ACTN1: variants seen among roughly 807,000 people sequenced by gnomAD.
ACTN1 encodes alpha-actinin-1.
In ACTN1, 30 loss-of-function variants were observed where a neutral mutation model predicts 119.6. The ratio of observed to expected loss-of-function variants is 0.25; its 90% CI spans 0.19 to 0.34. The LOEUF is 0.34. Among genes scored for constraint, ACTN1 ranks in the 10% least tolerant of loss-of-function variants. The pLI is 1.00. For missense variants in ACTN1, 764 were observed against 1,223.4 expected (o/e 0.62, Z 5.60); for synonymous variants, 429 against 472.6 (o/e 0.91, Z 1.20).
Position 68,892,057 on chromosome 14 carries a change from A to G in ACTN1, c.1082T>C (p.Val361Ala), listed in dbSNP as rs762802732. 1 of 1,613,490 alleles carries G rather than the reference A, an allele frequency of 6.2e-7. No homozygotes were observed. Among genetic ancestry groups the G allele is most frequent in the Non-Finnish European group, 8.5e-7 (1 of 1,179,948 alleles). Residue 361 changes from valine (V) to alanine (A), a missense_variant, in exon 10 of 22, where the codon GTC becomes GCC. Transcript: ENST00000394419. ...AGGCTCACCCCCAGTGCTCACCGAG[A>G]CCATCCTGCCCTCAGAGGGCATGAA... Reference protein sequence around the residue: ...PAFMPSEGRMVSDINNAWGCL... With the variant: ...PAFMPSEGRMASDINNAWGCL...
intron 2 of ACTN1, among the ~76,000 whole-genome samples, chr14:68,923,687 CA>C: frequency 6.6e-6 from 1 of 151,992 alleles, no homozygotes; most frequent in South Asian, 2.1e-4. Context: ...CAGAGGAAAA[CA>C]GCACGGTGGC....
In ACTN1 at chr14:68,875,006, G is replaced by C. The variant is rs886391072; in HGVS notation, c.2598C>G (p.Thr866=). 1 of 1,613,290 alleles carries C rather than the reference G, an allele frequency of 6.2e-7. No individual in the cohort carries two copies. The highest frequency in any genetic ancestry group is 8.5e-7 in the Non-Finnish European group (1 of 1,180,008). ...KILAGDKNYI[T]MDELRRELPP... ...GCAGCTCGCGGCGCAGCTCGTCCAT[G>C]GTAATGTAGTTCTGCGAGGAGAGAG... The change falls in exon 22 of 22, where the codon ACC becomes ACG. Residue 866 remains threonine (T), a synonymous_variant. Transcript: ENST00000394419.
chr14:68,881,966 T>C (rs2031571807), intron 16 of ACTN1, among the ~76,000 whole-genome samples: 1 of 118,616 alleles, frequency 8.4e-6, no homozygotes, highest in Non-Finnish European at 1.7e-5. Context: ...GACAGAGTCT[T>C]GCTCTGTTGC....
Position 68,879,871 on chromosome 14 carries a change from C to T in ACTN1, c.2280+91G>A. The T allele has an allele frequency of 1.3e-6, 2 of 1,530,666 alleles. No homozygotes were observed. Among genetic ancestry groups the T allele is most frequent in the East Asian group, 4.6e-5 (2 of 43,836 alleles). 94.8% of individuals were successfully genotyped at this position (1,530,666 alleles called of 1,614,324 possible). On this transcript the variant is annotated intron_variant, in intron 18 of 21. Coordinates refer to ENST00000394419, the MANE Select transcript of ACTN1 (RefSeq NM_001130004.2). The surrounding 1 kb of genome is among the most constrained non-coding windows in gnomAD (Gnocchi z 4.9). The stretch of plus-strand genomic sequence containing the variant: ...TCCCCTTTCTCTCCCTCCTCACTTG[C>T]ATGGCAGCCCACGTCCCGGGGAAGT...
At chr14:68,974,330 C>T (rs1374971749) in intron 1 of ACTN1, 1 of 152,692 alleles carries the variant, frequency 6.5e-6, no homozygotes, top group South Asian at 2.1e-4. Context: ...GCCTGTAATC[C>T]CAGCACTTTG....
At chr14:68,898,084 G>T (rs1190422814) in intron 8 of ACTN1, among the ~76,000 whole-genome samples, 1 of 152,214 alleles carries the variant, frequency 6.6e-6, no homozygotes. Context: ...TCAGATCTGG[G>T]GCAGAGCAGG....
chr14:68,892,024 G>T (rs770526263), intron 10 of ACTN1, 29 bp downstream of exon 10: 3 of 1,609,070 alleles, frequency 1.9e-6, no homozygotes, highest in African/African-American at 1.3e-5. Context: ...AGTCCAGTCT[G>T]GGGGCCCAGG....
chr14:68,924,631 T>TTGTCCGACC (rs1482733458), intron 2 of ACTN1, among the ~76,000 whole-genome samples: 2 of 152,200 alleles, frequency 1.3e-5, no homozygotes, highest in Non-Finnish European at 2.9e-5. Context: ...ACAAGCCCTC[T>TTGTCCGACC]GGCTACAGTG....
At chr14:68,958,452 TA>T (rs2036424360) in intron 1 of ACTN1, among the ~76,000 whole-genome samples, 1 of 152,160 alleles carries the variant, frequency 6.6e-6, no homozygotes, top group African/African-American at 2.4e-5. Flanking sequence ...TGCTAATTCT[TA>T]TTTTCTTCTT....
chr14:68,963,941 T>C (rs1394890048), intron 1 of ACTN1, among the ~76,000 whole-genome samples: 1 of 152,224 alleles, frequency 6.6e-6, no homozygotes, highest in Non-Finnish European at 1.5e-5. Context: ...TTCATTCATT[T>C]ATTCATGCAA....
intron 4 of ACTN1, among the ~76,000 whole-genome samples, chr14:68,911,501 C>T (rs1019237539): frequency 2.0e-5 from 3 of 152,166 alleles, no homozygotes; most frequent in African/African-American, 4.8e-5. Flanking sequence ...ATTGAATCCA[C>T]GTTGTTTTCA....
intron 3 of ACTN1, among the ~76,000 whole-genome samples, chr14:68,916,544 C>T (rs1390523249): frequency 2.0e-5 from 3 of 152,228 alleles, no homozygotes; most frequent in Non-Finnish European, 4.4e-5. Context: ...CGCCCAGCCC[C>T]AGTTCCCACC....
At chr14:68,901,197 T>TGTTTTA (rs2033289541) in intron 8 of ACTN1, among the ~76,000 whole-genome samples, 1 of 147,088 alleles carries the variant, frequency 6.8e-6, no homozygotes, top group African/African-American at 2.6e-5. Flanking sequence ...CATTTTTTTT[T>TGTTTTA]TGTTTTATGG....
rs2031974052 is a variant in ACTN1 at position 68,885,999 on chromosome 14, T to G, written c.1235-424A>C. ...CTGCCGGCAGCCCTGCAGGGGCCCC[T>G]TCCCTCGGTCAGTGTGTCCAGTGCA... On this transcript the variant is annotated intron_variant, in intron 11 of 21. Transcript: ENST00000394419. The surrounding 1 kb of genome is among the most constrained non-coding windows in gnomAD (Gnocchi z 5.6). The G allele has an allele frequency of 5.1e-5, 9 of 177,884 alleles. No individual in the cohort carries two copies. Among genetic ancestry groups the G allele is most frequent in the South Asian group, 1.4e-4 (1 of 7,316 alleles). The allele number at this position is 177,884 out of a possible 1,614,324, so 11.0% of individuals were successfully genotyped here.
At chr14:68,902,634 A>G (rs960366164) in intron 7 of ACTN1, 72 bp from the exon 8 acceptor site, 32 of 1,276,848 alleles carry the variant, frequency 2.5e-5, no homozygotes, top group Non-Finnish European at 3.6e-5. Flanking sequence ...TGAGGCAGAA[A>G]GAAGCTCGCA....
In ACTN1 at chr14:68,925,590, A is replaced by G. The variant is rs1183489267; in HGVS notation, c.188T>C (p.Leu63Pro). The G allele has an allele frequency of 6.2e-7, 1 of 1,613,282 alleles. No individual in the cohort carries two copies. ...GACCTCCAGCAGCAGCATGAGCTTC[A>G]GGCCATCCCGGAAGTCCTCTTCGAT... is the stretch of plus-strand genomic sequence containing the variant. ...ENIEEDFRDGLKLMLLLEVIS... is the reference protein window; with the variant it reads ...ENIEEDFRDGPKLMLLLEVIS... The change falls in exon 2 of 22, where the codon CTG (leucine) becomes CCG (proline). Residue 63 changes from leucine (L) to proline (P), a missense_variant. Leu to Pro is a moderately conservative substitution (Grantham distance 98, BLOSUM62 -3). Transcript: ENST00000394419. This position sits in a 1 kb window ranked among gnomAD's most constrained non-coding sequence, Gnocchi z 4.3.
chr14:68,909,406 G>A lies in ACTN1; in HGVS notation c.516-10C>T. 6.2e-7 allele frequency: 1 copy of A among 1,613,884 alleles called. No individual in the cohort carries two copies. The highest frequency in any genetic ancestry group is 8.5e-7 in the Non-Finnish European group (1 of 1,179,922). ...GAGGCCATCCTTCCAGCTGCCCGGG[G>A]AGAGAGAAGAAGGAGCAGGCTGGTA... On this transcript the variant is annotated splice_polypyrimidine_tract_variant and intron_variant, in intron 5 of 21. Transcript: ENST00000394419. This position sits in a 1 kb window ranked among gnomAD's most constrained non-coding sequence, Gnocchi z 4.1.
Position 68,925,527 on chromosome 14 carries a change from G to C in ACTN1, c.220+31C>G. ...AGGTGTCAGGCAGCACCAATAGACA[G>C]TATCTCGTCCTGGGCCAGGTTCCGC... On this transcript the variant is annotated intron_variant, in intron 2 of 21. Coordinates refer to ENST00000394419, the MANE Select transcript of ACTN1 (RefSeq NM_001130004.2). This position sits in a 1 kb window ranked among gnomAD's most constrained non-coding sequence, Gnocchi z 4.3. 1 of 1,575,800 alleles carries C rather than the reference G, an allele frequency of 6.3e-7. No individual in the cohort carries two copies. The highest frequency in any genetic ancestry group is 8.7e-7 in the Non-Finnish European group (1 of 1,150,036).
chr14:68,930,127 C>T (rs2035153712), intron 1 of ACTN1, among the ~76,000 whole-genome samples: 1 of 152,172 alleles, frequency 6.6e-6, no homozygotes, highest in Non-Finnish European at 1.5e-5. Flanking sequence ...CTTTTGAGAA[C>T]GTGCCTTCCC....
Sources: gnomAD v4.1 joint callset for allele counts (sites outside exome capture counted in the v4.1 genomes callset) on GRCh38, gnomAD v4.1.1 for gene constraint, Gnocchi (gnomAD v3.1) non-coding constraint, MANE v1.5 for transcripts, NCBI Gene and HGNC (gene_info 2026-07-23, HGNC 2026-07-21) for gene names.